Variants in PTPN2 observed in about 807,000 individuals in gnomAD.
The protein encoded by PTPN2 is protein tyrosine phosphatase non-receptor type 2.
A neutral mutation model predicts 57.3 loss-of-function variants in PTPN2; 19 were observed. The observed-to-expected ratio is 0.33, with a 90% CI of 0.23 to 0.49. PTPN2 has a LOEUF of 0.49. PTPN2 is among the 20% of genes least tolerant of loss of function. The probability of loss-of-function intolerance (pLI) is 0.99; values close to 1 mark genes in which losing one functional copy is unlikely to be tolerated. For synonymous variants in PTPN2, 153 were observed against 164.9 expected (o/e 0.93, Z 0.55); for missense variants, 358 against 501.1 (o/e 0.71, Z 2.73).
intron 1 of PTPN2, among the ~76,000 whole-genome samples, chr18:12,863,041 C>T (rs1023393101): frequency 2.6e-5 from 4 of 152,054 alleles, no homozygotes; most frequent in African/African-American, 9.7e-5. Context: ...ATAAAATATA[C>T]AGTATCTGTC....
intron 1 of PTPN2, among the ~76,000 whole-genome samples, chr18:12,875,766 A>T (rs1026084200): frequency 1.3e-5 from 2 of 152,194 alleles, no homozygotes; most frequent in Non-Finnish European, 2.9e-5. Context: ...CTATTTGGAG[A>T]CCAAAGGGAA....
At chr18:12,836,531 T>C (rs1292943192) in intron 3 of PTPN2, among the ~76,000 whole-genome samples, 1 of 152,234 alleles carries the variant, frequency 6.6e-6, no homozygotes, top group Non-Finnish European at 1.5e-5. Context: ...AGGAACACAA[T>C]CTGCCAAAGA....
chr18:12,880,232 G>A (rs2044623512), intron 1 of PTPN2, among the ~76,000 whole-genome samples: 1 of 152,308 alleles, frequency 6.6e-6, no homozygotes, highest in Non-Finnish European at 1.5e-5. Flanking sequence ...CCTAAGGGGA[G>A]AATGGACACA....
In PTPN2 at chr18:12,830,968, A is replaced by G; in HGVS notation, c.335T>C (p.Leu112Pro). Residue 112 changes from leucine to proline, a missense_variant, in exon 4 of 9, where the codon CTG (leucine) becomes CCG (proline). Leu to Pro is a moderately conservative substitution (Grantham distance 98). Coordinates refer to ENST00000309660, the MANE Select transcript of PTPN2 (RefSeq NM_002828.4). ...CGATTCTTTCTCCACAATGCGGTTCAGCATGACAACTGCTTTGGTCTTCTG... is the reference window on the plus strand; with the variant it reads ...CGATTCTTTCTCCACAATGCGGTTCGGCATGACAACTGCTTTGGTCTTCTG... Reference protein sequence around the residue: ...WQQKTKAVVMLNRIVEKESVK... With the variant: ...WQQKTKAVVMPNRIVEKESVK... 1 of 1,606,652 alleles carries G rather than the reference A, an allele frequency of 6.2e-7. No homozygotes were observed. The highest frequency in any genetic ancestry group is 8.5e-7 in the Non-Finnish European group (1 of 1,173,318).
chr18:12,827,829 G>C (rs2042533216), intron 4 of PTPN2, among the ~76,000 whole-genome samples: 1 of 152,006 alleles, frequency 6.6e-6, no homozygotes, highest in African/African-American at 2.4e-5. Flanking sequence ...AAGCAAGCAA[G>C]GGAGCAGAAC....
chr18:12,880,336 G>A lies in PTPN2; in HGVS notation c.69+3737C>T, dbSNP rs554521693. Reference sequence around the variant, plus strand: ...ACAGGCCATGAGGTCTTGTGAGCCGGAGGAGGGGCTGAATTTACACTGTGA... The same window carrying A: ...ACAGGCCATGAGGTCTTGTGAGCCGAAGGAGGGGCTGAATTTACACTGTGA... On this transcript the variant is annotated intron_variant, in intron 1 of 8. Transcript: ENST00000309660. Among the ~76,000 whole-genome samples the A allele has an allele frequency of 3.9e-4, 60 of 152,338 alleles. No individual in the cohort carries two copies. The South Asian group carries it at 0.012, about 31-fold the overall frequency.
intron 7 of PTPN2, among the ~76,000 whole-genome samples, chr18:12,808,058 C>T (rs1437891537): frequency 1.3e-5 from 2 of 151,998 alleles, no homozygotes; most frequent in East Asian, 3.9e-4. Context: ...TGGCACGCGC[C>T]TGCAGTCCCA....
intron 7 of PTPN2, among the ~76,000 whole-genome samples, chr18:12,806,846 A>G (rs1280395206): frequency 6.6e-6 from 1 of 152,144 alleles, no homozygotes; most frequent in African/African-American, 2.4e-5. Flanking sequence ...TACATACTAG[A>G]AGAAAAGATA....
chr18:12,824,452 C>T (rs1021926538), intron 5 of PTPN2, among the ~76,000 whole-genome samples: 1 of 152,164 alleles, frequency 6.6e-6, no homozygotes, highest in African/African-American at 2.4e-5. Context: ...TATCTCCCTT[C>T]TCTTTAAGGT....
intron 5 of PTPN2, chr18:12,819,374 T>C (rs2042193968): frequency 4.9e-6 from 3 of 612,550 alleles, no homozygotes; most frequent in Non-Finnish European, 8.1e-6. Flanking sequence ...TTATGGTAAG[T>C]GAACAAAGCC....
intron 7 of PTPN2, among the ~76,000 whole-genome samples, chr18:12,810,645 T>C (rs1311511157): frequency 6.6e-6 from 1 of 152,188 alleles, no homozygotes; most frequent in East Asian, 1.9e-4. Flanking sequence ...ACAGAAGATT[T>C]AGAAAATGTG....
chr18:12,883,126 G>A (rs970881034), intron 1 of PTPN2, among the ~76,000 whole-genome samples: 1 of 152,198 alleles, frequency 6.6e-6, no homozygotes, highest in Non-Finnish European at 1.5e-5. Flanking sequence ...CCCCGGGGAG[G>A]GGATGAGGGC....
At chr18:12,815,539 T>C (rs1017768262) in intron 6 of PTPN2, among the ~76,000 whole-genome samples, 50 of 152,100 alleles carry the variant, frequency 3.3e-4, no homozygotes, top group African/African-American at 1.2e-3. Context: ...ACTGACCTAG[T>C]GTTAGAATCC....
At chr18:12,883,941 C>G (rs939326098) in intron 1 of PTPN2, 132 bp downstream of exon 1, 33 of 702,136 alleles carry the variant, frequency 4.7e-5, no homozygotes, top group Non-Finnish European at 7.0e-5. Context: ...CTGACGCGGA[C>G]CGCGCCGCCA....
chr18:12,880,427 C>A (rs1206370653), intron 1 of PTPN2: 1 of 152,252 alleles, frequency 6.6e-6, no homozygotes, highest in African/African-American at 2.4e-5. Context: ...TTAGCTACCT[C>A]TCCCCACTTC....
chr18:12,870,751 C>T (rs191646427), intron 1 of PTPN2, among the ~76,000 whole-genome samples: 4 of 151,490 alleles, frequency 2.6e-5, no homozygotes, highest in South Asian at 2.1e-4. Flanking sequence ...CCTCATGATC[C>T]GCCCACCTCG....
At chr18:12,843,562 A>G (rs534336271) in intron 2 of PTPN2, among the ~76,000 whole-genome samples, 50 of 151,992 alleles carry the variant, frequency 3.3e-4, no homozygotes, top group Non-Finnish European at 6.0e-4. Context: ...AGCCCACCCA[A>G]GGTGCTGTGG....
chr18:12,793,182 A>C lies in PTPN2; in HGVS notation c.*1096T>G. The C allele has an allele frequency of 1.0e-6, 1 of 985,040 alleles. No individual in the cohort carries two copies. Among genetic ancestry groups the C allele is most frequent in the Non-Finnish European group, 1.2e-6 (1 of 829,470 alleles). 61.0% of individuals were successfully genotyped at this position (985,040 alleles called of 1,614,324 possible). On this transcript the variant is annotated 3_prime_UTR_variant, in exon 9 of 9. Transcript: ENST00000309660. ...TGAAATCTGAGGAAAGCTAGCATTC[A>C]AATGAGCAGTTAAATTCATTAAACA... is the stretch of plus-strand genomic sequence containing the variant.
intron 5 of PTPN2, among the ~76,000 whole-genome samples, chr18:12,820,605 A>G (rs2042238210): frequency 6.6e-6 from 1 of 152,134 alleles, no homozygotes; most frequent in Non-Finnish European, 1.5e-5. Context: ...AAAACTGTGG[A>G]AGCACCCTTT....
Sources: gnomAD v4.1 joint callset for allele counts (sites outside exome capture counted in the v4.1 genomes callset) on GRCh38, gnomAD v4.1.1 for gene constraint, MANE v1.5 for transcripts, NCBI Gene and HGNC (gene_info 2026-07-23, HGNC 2026-07-21) for gene names.